The following CELF2 variants were observed in gnomAD, a reference collection of about 807,000 sequenced individuals.
CELF2 encodes CUG triplet repeat RNA-binding protein 2.
Under a neutral mutation model 62.6 loss-of-function variants are expected in CELF2, and 8 were observed. That is an observed-to-expected ratio of 0.13 (90% CI 0.07 to 0.23). The LOEUF (loss-of-function observed/expected upper bound fraction) is 0.23. Among genes scored for constraint, CELF2 ranks in the 10% least tolerant of loss-of-function variants. The probability of loss-of-function intolerance (pLI) is 1.00; values close to 1 mark genes in which losing one functional copy is unlikely to be tolerated. For missense variants in CELF2, 333 were observed against 671.0 expected (o/e 0.50, Z 5.56); for synonymous variants, 258 against 250.0 (o/e 1.03, Z -0.30).
At chr10:11,240,422 G>A (rs2073417147) in intron 3 of CELF2, among the ~76,000 whole-genome samples, 1 of 152,292 alleles carries the variant, frequency 6.6e-6, no homozygotes, top group Non-Finnish European at 1.5e-5. Flanking sequence ...CACAACCATT[G>A]TTTCCTCTCA....
At chr10:10,804,695 C>A (rs191299776) in intron 1 of CELF2, among the ~76,000 whole-genome samples, 26 of 152,250 alleles carry the variant, frequency 1.7e-4, no homozygotes, top group Admixed American at 3.3e-4. Context: ...TGTGTGAGAA[C>A]CTCCCATTAA....
At chr10:10,648,011 G>A in the CELF2 span, among the ~76,000 whole-genome samples, 1 of 152,154 alleles carries the variant, frequency 6.6e-6, no homozygotes, top group African/African-American at 2.4e-5. Flanking sequence ...TTCAACTACA[G>A]ATGTTTTTAA....
At chr10:10,850,830 A>C (rs1471322182) in intron 1 of CELF2, among the ~76,000 whole-genome samples, 1 of 152,008 alleles carries the variant, frequency 6.6e-6, no homozygotes, top group South Asian at 2.1e-4. Context: ...TTTGAGATGG[A>C]GTCTCTGCTC....
chr10:10,603,784 T>TACACAC, the CELF2 span, among the ~76,000 whole-genome samples: 490 of 148,538 alleles, frequency 3.3e-3, 3 homozygotes, highest in African/African-American at 4.8e-3. Context: ...TATTTACACA[T>TACACAC]ACACACACAC....
rs2096070692 is a variant in CELF2, at chr10:11,333,744, A to G, written c.*4691A>G. 1.3e-5 allele frequency: 2 copies of G among 152,550 alleles called. No homozygotes were observed. The highest frequency in any genetic ancestry group is 4.8e-5 in the African/African-American group (2 of 41,430). The allele number at this position is 152,550 out of a possible 1,614,324, so 9.4% of individuals were successfully genotyped here. A position where few individuals can be genotyped will look rare whatever the true frequency, so the allele number is the denominator to read the frequency against. On this transcript the variant is annotated 3_prime_UTR_variant, in exon 13 of 13. Transcript: ENST00000633077. ...GCAACCTAGTGGAAACTGTAAGACCATTTGAGTATTGTTTGTTTTATTGAT... is the reference window on the plus strand; with the variant it reads ...GCAACCTAGTGGAAACTGTAAGACCGTTTGAGTATTGTTTGTTTTATTGAT...
chr10:10,625,958 C>G, the CELF2 span, among the ~76,000 whole-genome samples: 5,005 of 151,250 alleles, frequency 0.033, 245 homozygotes, highest in East Asian at 0.27. Context: ...CTGCGAAAGT[C>G]AAACCTGGTG....
In CELF2 at chr10:11,314,997, CAT is replaced by C. The variant is rs1323201707; in HGVS notation, c.1096+742_1096+743del. ...TAGAAAATTGTACTTGGTTCCGAAA[CAT>C]ATGGATGGACTCACCAGAGAACTGC... On this transcript the variant is annotated intron_variant, in intron 10 of 12. Transcript: ENST00000633077. This position sits in a 1 kb window ranked among gnomAD's most constrained non-coding sequence, Gnocchi z 5.3. 6.6e-6 allele frequency among the ~76,000 whole-genome samples: 1 copy of C among 152,108 alleles called. No homozygotes were observed. The highest frequency in any genetic ancestry group is 6.5e-5 in the Admixed American group (1 of 15,276).
chr10:11,033,482 C>T (rs1452596092), intron 1 of CELF2, among the ~76,000 whole-genome samples: 1 of 152,162 alleles, frequency 6.6e-6, no homozygotes, highest in Non-Finnish European at 1.5e-5. Flanking sequence ...GTCTCAGCCT[C>T]CCGACCTCAG....
the CELF2 span, among the ~76,000 whole-genome samples, chr10:10,621,558 T>C: frequency 6.6e-6 from 1 of 152,128 alleles, no homozygotes; most frequent in Non-Finnish European, 1.5e-5. Context: ...GAATCCAAAT[T>C]TACCCCCTTT....
At chr10:10,582,074 G>C in the CELF2 span, among the ~76,000 whole-genome samples, 1 of 152,168 alleles carries the variant, frequency 6.6e-6, no homozygotes, top group South Asian at 2.1e-4. Flanking sequence ...TGTCTAGCCG[G>C]AGCAAGATTT....
At chr10:10,831,997 G>C (rs1279034899) in intron 1 of CELF2, among the ~76,000 whole-genome samples, 2 of 148,264 alleles carry the variant, frequency 1.3e-5, no homozygotes, top group Non-Finnish European at 3.0e-5. Context: ...GCCGGGCGCG[G>C]TGGCTCACAC....
chr10:10,907,001 G>A (rs185642292), intron 1 of CELF2, among the ~76,000 whole-genome samples: 204 of 152,212 alleles, frequency 1.3e-3, no homozygotes, highest in Middle Eastern at 0.01. Flanking sequence ...ACAGGCATGA[G>A]CCACGAGAAC....
chr10:10,780,864 A>G, the CELF2 span, among the ~76,000 whole-genome samples: 31 of 152,192 alleles, frequency 2.0e-4, no homozygotes, highest in Non-Finnish European at 3.1e-4. Flanking sequence ...ATTGTCTAGA[A>G]TCCCACTCAT....
chr10:10,991,248 G>A (rs1355785659), intron 2 of CELF2, among the ~76,000 whole-genome samples: 1 of 152,212 alleles, frequency 6.6e-6, no homozygotes, highest in Non-Finnish European at 1.5e-5. Context: ...ATATGTGTGT[G>A]CTGTTTGTTC....
the CELF2 span, among the ~76,000 whole-genome samples, chr10:10,567,772 G>A: frequency 2.2e-4 from 33 of 152,278 alleles, no homozygotes; most frequent in East Asian, 7.7e-4. Context: ...CCCCTTGAGC[G>A]GAGATACTTC....
At chr10:10,636,949 T>C in the CELF2 span, among the ~76,000 whole-genome samples, 3 of 152,308 alleles carry the variant, frequency 2.0e-5, no homozygotes, top group African/African-American at 4.8e-5. Context: ...CTAGGGATTA[T>C]GTGAATGAAA....
At position 11,260,310 on chromosome 10, in the gene CELF2, C is replaced by G. The variant is rs770722151; in HGVS notation, c.538+2438C>G. ...TTCTGCTCCCCGTCTGCTGGCCTGG[C>G]TGATCTAGGCAGTGACTCTCTGGCA... On this transcript the variant is annotated intron_variant, in intron 5 of 12. Transcript: ENST00000633077. This position sits in a 1 kb window ranked among gnomAD's most constrained non-coding sequence, Gnocchi z 4.2. Among the ~76,000 whole-genome samples, 2 of 152,184 alleles carry G rather than the reference C, an allele frequency of 1.3e-5. No individual in the cohort carries two copies. Among genetic ancestry groups the G allele is most frequent in the Non-Finnish European group, 2.9e-5 (2 of 68,034 alleles).
intron 1 of CELF2, among the ~76,000 whole-genome samples, chr10:10,906,608 T>G (rs1050655089): frequency 6.6e-6 from 1 of 152,152 alleles, no homozygotes; most frequent in African/African-American, 2.4e-5. Flanking sequence ...AGGGGGTTCT[T>G]AGTTTTGATG....
chr10:10,773,983 A>G, the CELF2 span, among the ~76,000 whole-genome samples: 1 of 152,178 alleles, frequency 6.6e-6, no homozygotes, highest in African/African-American at 2.4e-5. Context: ...TTCACAGCAA[A>G]ACAATTCCCC....
Sources: gnomAD v4.1 joint callset for allele counts (sites outside exome capture counted in the v4.1 genomes callset) on GRCh38, gnomAD v4.1.1 for gene constraint, Gnocchi (gnomAD v3.1) non-coding constraint, MANE v1.5 for transcripts, NCBI Gene and HGNC (gene_info 2026-07-23, HGNC 2026-07-21) for gene names.